PPP6R3: variants seen among roughly 807,000 people sequenced by gnomAD.
PPP6R3 encodes the protein serine/threonine-protein phosphatase 6 regulatory subunit 3.
A neutral mutation model predicts 110.7 loss-of-function variants in PPP6R3; 38 were observed. That is an observed-to-expected ratio of 0.34 (90% CI 0.26 to 0.45). The LOEUF is 0.45. Ranked by LOEUF, PPP6R3 falls within the 20% of genes least tolerant of loss-of-function variation. The probability of loss-of-function intolerance (pLI) is 1.00; values close to 1 mark genes in which losing one functional copy is unlikely to be tolerated. For synonymous variants in PPP6R3, 369 were observed against 373.5 expected, an observed-to-expected ratio of 0.99 and a Z score of 0.14; for missense variants, 870 against 1,062.4, an observed-to-expected ratio of 0.82 and a Z score of 2.52.
chr11:68,594,335 TGAGAGAGAGAGTGA>T (rs966316002), intron 18 of PPP6R3, among the ~76,000 whole-genome samples: 2 of 81,498 alleles, frequency 2.5e-5, no homozygotes, highest in East Asian at 3.4e-4. Flanking sequence ...AGAGAGAGAG[TGAGAGAGAGAGTGA>T]GAGAGAGAGA....
intron 22 of PPP6R3, 151 bp downstream of exon 22, chr11:68,603,643 T>C: frequency 9.9e-7 from 1 of 1,014,222 alleles, no homozygotes; most frequent in Non-Finnish European, 1.4e-6. Flanking sequence ...ACACAATAAA[T>C]CTTAATGAAG....
At chr11:68,467,039 C>T (rs1055962817) in intron 1 of PPP6R3, among the ~76,000 whole-genome samples, 1 of 152,244 alleles carries the variant, frequency 6.6e-6, no homozygotes, top group Non-Finnish European at 1.5e-5. Flanking sequence ...CTGCACCCGG[C>T]CCTAGCTAGG....
At chr11:68,490,828 A>G (rs896887857) in intron 1 of PPP6R3, among the ~76,000 whole-genome samples, 1 of 151,984 alleles carries the variant, frequency 6.6e-6, no homozygotes, top group African/African-American at 2.4e-5. Flanking sequence ...CTCTCTGCTT[A>G]TGTTATCTTT....
At chr11:68,470,626 T>C (rs2098784308) in intron 1 of PPP6R3, among the ~76,000 whole-genome samples, 1 of 152,126 alleles carries the variant, frequency 6.6e-6, no homozygotes, top group South Asian at 2.1e-4. Context: ...TGGAGGGAGG[T>C]TGGACGCTCT....
intron 19 of PPP6R3, among the ~76,000 whole-genome samples, chr11:68,597,960 C>G (rs2099619230): frequency 6.6e-6 from 1 of 151,848 alleles, no homozygotes; most frequent in East Asian, 1.9e-4. Context: ...GCCTGGGCGA[C>G]AGAGTGAGAC....
chr11:68,504,546 A>G (rs958262870), intron 1 of PPP6R3, among the ~76,000 whole-genome samples: 5 of 152,218 alleles, frequency 3.3e-5, no homozygotes, highest in South Asian at 4.1e-4. Flanking sequence ...ATGAATGCAC[A>G]CTTCAGTTTA....
chr11:68,561,391 C>G (rs943422714), intron 8 of PPP6R3, among the ~76,000 whole-genome samples: 4 of 152,168 alleles, frequency 2.6e-5, no homozygotes, highest in Non-Finnish European at 5.9e-5. Context: ...CCACCTCGCC[C>G]AGCTTTCTCT....
chr11:68,571,933 C>G (rs2099509251), intron 12 of PPP6R3, among the ~76,000 whole-genome samples: 1 of 152,134 alleles, frequency 6.6e-6, no homozygotes, highest in Non-Finnish European at 1.5e-5. Flanking sequence ...TGATCATTTC[C>G]CAGCATTCTT....
At chr11:68,477,737 AAAAAATATATATATATAT>A (rs2098843225) in intron 1 of PPP6R3, among the ~76,000 whole-genome samples, 1 of 64,558 alleles carries the variant, frequency 1.5e-5, no homozygotes, top group African/African-American at 5.9e-5. Flanking sequence ...TTAAAAAAAA[AAAAAATATATATATATAT>A]ATATATATAT....
At chr11:68,537,637 A>G in intron 2 of PPP6R3, 22 bp from the exon 3 acceptor site, 1 of 1,400,776 alleles carries the variant, frequency 7.1e-7, no homozygotes, top group East Asian at 2.3e-5. Context: ...ATTTTATGAA[A>G]TACTTTCTGC....
At chr11:68,485,033 T>A (rs946931020) in intron 1 of PPP6R3, among the ~76,000 whole-genome samples, 1 of 152,216 alleles carries the variant, frequency 6.6e-6, no homozygotes, top group African/African-American at 2.4e-5. Context: ...GAATATCTCT[T>A]CATTTGTTTA....
intron 1 of PPP6R3, among the ~76,000 whole-genome samples, chr11:68,482,458 G>C (rs1036334776): frequency 1.3e-5 from 2 of 151,632 alleles, no homozygotes; most frequent in African/African-American, 4.8e-5. Context: ...AAATGACTTT[G>C]GGTAATTTGA....
chr11:68,516,277 C>A (rs1029442787), intron 1 of PPP6R3, among the ~76,000 whole-genome samples: 7 of 152,154 alleles, frequency 4.6e-5, no homozygotes, highest in Admixed American at 4.6e-4. Context: ...CAACACGATG[C>A]CACAAGTGGA....
intron 14 of PPP6R3, among the ~76,000 whole-genome samples, chr11:68,581,882 GAA>G (rs1452741891): frequency 1.3e-5 from 2 of 152,348 alleles, no homozygotes; most frequent in East Asian, 3.9e-4. Context: ...GAAATAACTG[GAA>G]ACACTGGGTT....
rs1323609979 is a variant in PPP6R3 at position 68,562,766 on chromosome 11, G to C, written c.846-1537G>C. On this transcript the variant is annotated intron_variant, in intron 8 of 23. Transcript: ENST00000393800. ...ATTATGCAAAAATTAACTCAAAATG[G>C]ATGATAGAACTAGACATAAAACTAG... Among the ~76,000 whole-genome samples the C allele has an allele frequency of 2.1e-4, 32 of 152,132 alleles. 2 individuals are homozygous for C. The highest frequency in any genetic ancestry group is 2.1e-3 in the Admixed American group (32 of 15,276).
intron 13 of PPP6R3, 74 bp downstream of exon 13, chr11:68,574,298 A>C (rs1372718867): frequency 6.0e-6 from 7 of 1,162,008 alleles, no homozygotes; most frequent in East Asian, 4.8e-5. Flanking sequence ...GTAGAAATGC[A>C]TGTAGCATTT....
intron 23 of PPP6R3, 188 bp from the exon 24 acceptor site, chr11:68,612,878 A>AGAT (rs1395839442): frequency 1.8e-6 from 2 of 1,139,846 alleles, no homozygotes; most frequent in African/African-American, 3.2e-5. Context: ...GATGAAGCTT[A>AGAT]GATGCACTCA....
At chr11:68,548,964 C>T (rs1212886413) in intron 5 of PPP6R3, among the ~76,000 whole-genome samples, 1 of 152,140 alleles carries the variant, frequency 6.6e-6, no homozygotes, top group Admixed American at 6.5e-5. Flanking sequence ...GATCTCGGCT[C>T]ACTGCAACCT....
intron 22 of PPP6R3, chr11:68,609,599 A>C: frequency 6.4e-7 from 1 of 1,551,874 alleles, no homozygotes; most frequent in Non-Finnish European, 8.7e-7. Context: ...TGTTTTGCAC[A>C]CTGGGCTTCA....
Sources: allele counts gnomAD v4.1 joint callset (sites outside exome capture counted in the v4.1 genomes callset), GRCh38; gene constraint gnomAD v4.1.1; transcripts MANE v1.5; gene names NCBI Gene and HGNC (gene_info 2026-07-23, HGNC 2026-07-21).